Variants in CAMK1D observed in about 807,000 individuals in gnomAD.
CAMK1D encodes the protein calcium/calmodulin dependent protein kinase ID, also known as calcium/calmodulin-dependent protein kinase type 1D.
A neutral mutation model predicts 47.7 loss-of-function variants in CAMK1D; 9 were observed. That is an observed-to-expected ratio of 0.19 (90% CI 0.11 to 0.33). The LOEUF (loss-of-function observed/expected upper bound fraction) is 0.33, where lower values mean the gene tolerates loss of function less well. Among genes scored for constraint, CAMK1D ranks in the 10% least tolerant of loss-of-function variants. CAMK1D has a pLI of 1.00. For missense variants in CAMK1D, 291 were observed against 488.7 expected, an observed-to-expected ratio of 0.60 and a Z score of 3.81; for synonymous variants, 184 against 184.9, an observed-to-expected ratio of 0.99 and a Z score of 0.04.
intron 3 of CAMK1D, among the ~76,000 whole-genome samples, chr10:12,739,300 G>A (rs190323445): frequency 4.5e-4 from 69 of 152,134 alleles, no homozygotes; most frequent in African/African-American, 1.6e-3. Context: ...CCGAGACAGA[G>A]TCTTGCTCTG....
chr10:12,615,431 TGTGTGAGTGTGTGCATGTGTGTGTGTAG>T (rs2132421660), intron 2 of CAMK1D, among the ~76,000 whole-genome samples: 1 of 152,122 alleles, frequency 6.6e-6, no homozygotes, highest in South Asian at 2.1e-4. Context: ...GGAGTCTGAG[TGTGTGAGTGTGTGCATGTGTGTGTGTAG>T]GTGTGAGTGT....
intron 3 of CAMK1D, among the ~76,000 whole-genome samples, chr10:12,732,758 C>A (rs1013577778): frequency 7.3e-6 from 1 of 137,340 alleles, no homozygotes; most frequent in African/African-American, 2.7e-5. Flanking sequence ...CACAGCCAAA[C>A]CCTATCAATC....
intron 3 of CAMK1D, among the ~76,000 whole-genome samples, chr10:12,670,628 A>T (rs1269741496): frequency 6.6e-6 from 1 of 151,860 alleles, no homozygotes; most frequent in Non-Finnish European, 1.5e-5. Context: ...GCTCACTGCA[A>T]CCTCTGCCTC....
At chr10:12,663,662 C>A (rs1296165246) in intron 2 of CAMK1D, among the ~76,000 whole-genome samples, 5 of 152,124 alleles carry the variant, frequency 3.3e-5, no homozygotes, top group Admixed American at 1.3e-4. Context: ...GTGCCTGATA[C>A]ATGGCAGGCA....
chr10:12,552,463 G>A (rs947407114), intron 1 of CAMK1D, among the ~76,000 whole-genome samples: 1 of 152,182 alleles, frequency 6.6e-6, no homozygotes, highest in African/African-American at 2.4e-5. Context: ...AGAGCGCTCT[G>A]AAATTTCCTC....
intron 3 of CAMK1D, among the ~76,000 whole-genome samples, chr10:12,695,905 C>T (rs1051721214): frequency 7.9e-5 from 12 of 151,926 alleles, no homozygotes; most frequent in Non-Finnish European, 1.0e-4. Flanking sequence ...AGTGAAACCC[C>T]GTCTCTACTA....
At chr10:12,622,956 A>G (rs923832768) in intron 2 of CAMK1D, among the ~76,000 whole-genome samples, 4 of 151,614 alleles carry the variant, frequency 2.6e-5, no homozygotes, top group Non-Finnish European at 4.4e-5. Context: ...AGAGATGAGG[A>G]GCCCAAGGTG....
intron 1 of CAMK1D, among the ~76,000 whole-genome samples, chr10:12,533,897 C>A (rs1363772555): frequency 6.6e-6 from 1 of 152,182 alleles, no homozygotes; most frequent in African/African-American, 2.4e-5. Context: ...ACGTCATCCT[C>A]AAGGTCACAA....
chr10:12,745,158 G>A (rs1395010455), intron 3 of CAMK1D, among the ~76,000 whole-genome samples: 1 of 152,200 alleles, frequency 6.6e-6, no homozygotes, highest in Non-Finnish European at 1.5e-5. Flanking sequence ...AGCCTCCCGA[G>A]TAGCTGGGAC....
chr10:12,393,963 C>T (rs1440869915), intron 1 of CAMK1D, among the ~76,000 whole-genome samples: 1 of 152,214 alleles, frequency 6.6e-6, no homozygotes, highest in African/African-American at 2.4e-5. Flanking sequence ...GCAGGTATTG[C>T]AGACCCCCCA....
intron 5 of CAMK1D, among the ~76,000 whole-genome samples, chr10:12,781,714 C>T (rs983478053): frequency 1.9e-4 from 29 of 150,584 alleles, no homozygotes; most frequent in African/African-American, 6.1e-4. Flanking sequence ...TGCAGTAGCA[C>T]GAGCTCAGCT....
At chr10:12,649,083 G>T (rs1436665443) in intron 2 of CAMK1D, among the ~76,000 whole-genome samples, 1 of 152,112 alleles carries the variant, frequency 6.6e-6, no homozygotes, top group African/African-American at 2.4e-5. Context: ...GCCCAGGCTG[G>T]TCTTGACCTC....
intron 3 of CAMK1D, among the ~76,000 whole-genome samples, chr10:12,689,691 G>T (rs545565754): frequency 6.6e-6 from 1 of 151,688 alleles, no homozygotes; most frequent in African/African-American, 2.4e-5. Flanking sequence ...CAGGAGAATC[G>T]CTTGAACCCA....
intron 2 of CAMK1D, among the ~76,000 whole-genome samples, chr10:12,645,576 C>A (rs1456714913): frequency 1.3e-5 from 2 of 152,196 alleles, no homozygotes; most frequent in Non-Finnish European, 2.9e-5. Context: ...TCACTTCCTT[C>A]TTGGGGTCAC....
At chr10:12,371,178 A>T (rs1045718468) in intron 1 of CAMK1D, among the ~76,000 whole-genome samples, 1 of 152,058 alleles carries the variant, frequency 6.6e-6, no homozygotes. Flanking sequence ...AGGCCTTCTC[A>T]TTCACTCACC....
chr10:12,585,054 G>A (rs1360053523), intron 2 of CAMK1D, among the ~76,000 whole-genome samples: 1 of 152,208 alleles, frequency 6.6e-6, no homozygotes, highest in Admixed American at 6.5e-5. Context: ...GATCATGTCA[G>A]TCATTAGGCT....
chr10:12,763,812 A>C (rs117228560), intron 4 of CAMK1D, among the ~76,000 whole-genome samples: 1,723 of 152,254 alleles, frequency 0.011, 19 homozygotes, highest in East Asian at 0.059. Flanking sequence ...TGATATTCCA[A>C]CTCAGGTATT....
intron 3 of CAMK1D, among the ~76,000 whole-genome samples, chr10:12,745,785 G>C (rs1835645757): frequency 6.6e-6 from 1 of 152,116 alleles, no homozygotes; most frequent in Admixed American, 6.5e-5. Context: ...GGTATTTTTA[G>C]TAGAGATGGG....
At chr10:12,716,353 C>T (rs571967619) in intron 3 of CAMK1D, among the ~76,000 whole-genome samples, 5 of 152,266 alleles carry the variant, frequency 3.3e-5, no homozygotes, top group East Asian at 3.9e-4. Flanking sequence ...ATGTCCCCTG[C>T]GGGACAGAAT....
Sources: allele counts gnomAD v4.1 joint callset (sites outside exome capture counted in the v4.1 genomes callset), GRCh38; gene constraint gnomAD v4.1.1; transcripts MANE v1.5; gene names NCBI Gene and HGNC (gene_info 2026-07-23, HGNC 2026-07-21).